The following CSMD1 variants were observed in gnomAD, a reference collection of about 807,000 sequenced individuals.
CSMD1 encodes the protein CUB and Sushi multiple domains 1, also known as CUB and sushi domain-containing protein 1.
Under a neutral mutation model 417.5 loss-of-function variants are expected in CSMD1, and 213 were observed. That is an observed-to-expected ratio of 0.51 (90% CI 0.46 to 0.57). The LOEUF (loss-of-function observed/expected upper bound fraction) is 0.57. Ranked by LOEUF, CSMD1 falls within the 20% of genes least tolerant of loss-of-function variation. The pLI is 0.00. For synonymous variants in CSMD1, 2,862 were observed against 1,736.8 expected, an observed-to-expected ratio of 1.65 and a Z score of -16.11; for missense variants, 6,923 against 4,529.7, an observed-to-expected ratio of 1.53 and a Z score of -15.17.
chr8:4,022,390 G>C (rs982349211), intron 4 of CSMD1, among the ~76,000 whole-genome samples: 1 of 151,978 alleles, frequency 6.6e-6, no homozygotes, highest in Non-Finnish European at 1.5e-5. Flanking sequence ...AAAATTATGG[G>C]AGGACATATT....
At chr8:4,642,091 G>C (rs948338217) in intron 1 of CSMD1, among the ~76,000 whole-genome samples, 2 of 152,216 alleles carry the variant, frequency 1.3e-5, no homozygotes, top group African/African-American at 4.8e-5. Context: ...GACCTGGTCA[G>C]CCTGTAGGTG....
At chr8:3,288,105 T>G (rs1379237882) in intron 25 of CSMD1, among the ~76,000 whole-genome samples, 1 of 147,440 alleles carries the variant, frequency 6.8e-6, no homozygotes, top group Non-Finnish European at 1.5e-5. Context: ...TGGATTACAT[T>G]TATCGATTTT....
chr8:3,466,556 C>A (rs1354626111), intron 12 of CSMD1, among the ~76,000 whole-genome samples: 1 of 151,136 alleles, frequency 6.6e-6, no homozygotes, highest in East Asian at 1.9e-4. Context: ...ATTACAGGTA[C>A]CCACCCTCCA....
intron 5 of CSMD1, among the ~76,000 whole-genome samples, chr8:3,971,572 A>G (rs140345817): frequency 1.7e-3 from 264 of 152,340 alleles, no homozygotes; most frequent in African/African-American, 6.1e-3. Flanking sequence ...AAAAATTAAT[A>G]CCATAATTTT....
intron 3 of CSMD1, among the ~76,000 whole-genome samples, chr8:4,094,390 T>C (rs1042740021): frequency 2.6e-5 from 4 of 151,758 alleles, no homozygotes; most frequent in Admixed American, 2.0e-4. Flanking sequence ...ATATTTAGTT[T>C]TGAGAACTAT....
chr8:3,455,557 T>C (rs1816062524), intron 12 of CSMD1, among the ~76,000 whole-genome samples: 1 of 152,228 alleles, frequency 6.6e-6, no homozygotes, highest in African/African-American at 2.4e-5. Flanking sequence ...GCAGGTCTGT[T>C]GGAATTTGCT....
Position 4,852,168 on chromosome 8 carries a change from C to T in CSMD1, c.85+142164G>A, listed in dbSNP as rs561046847. 3.3e-5 allele frequency among the ~76,000 whole-genome samples: 5 copies of T among 152,266 alleles called. No individual in the cohort carries two copies. The East Asian group carries it at 9.7e-4, about 29-fold the overall frequency. ...GTTTGTTTACTCTAATCTATTTTTG[C>T]CAGCATTGTTCTATAACAGTAAACA... is the stretch of plus-strand genomic sequence containing the variant. On this transcript the variant is annotated intron_variant, in intron 1 of 69. Coordinates refer to ENST00000635120, the MANE Select transcript of CSMD1 (RefSeq NM_033225.6).
chr8:4,385,965 A>G (rs1206604097), intron 3 of CSMD1, among the ~76,000 whole-genome samples: 1 of 152,154 alleles, frequency 6.6e-6, no homozygotes, highest in Non-Finnish European at 1.5e-5. Flanking sequence ...CCAGAGCATC[A>G]GCATCTTTCC....
Position 3,343,450 on chromosome 8 carries a change from C to T in CSMD1, c.3475G>A (p.Val1159Ile), listed in dbSNP as rs1407959203. The change falls in exon 23 of 70, where the codon GTA becomes ATA. Residue 1159 changes from valine (V) to isoleucine (I), a missense_variant and splice_region_variant. Physicochemically the swap from Val to Ile is conservative, Grantham distance 29. Transcript: ENST00000635120. ...FQLFEGDTLK[V>I]YDGKDSSSRP... Reference sequence around the variant, plus strand: ...GAGGAACTGTCTTTTCCATCATATACCTGATGAAAATTCACAGCATGAGTC... The same window carrying T: ...GAGGAACTGTCTTTTCCATCATATATCTGATGAAAATTCACAGCATGAGTC... 1 of 1,611,600 alleles carries T rather than the reference C, an allele frequency of 6.2e-7. No homozygotes were observed. Among genetic ancestry groups the T allele is most frequent in the Admixed American group, 1.7e-5 (1 of 59,868 alleles).
At chr8:2,962,828 C>T (rs1020783758) in intron 60 of CSMD1, among the ~76,000 whole-genome samples, 189 bp from the exon 61 acceptor site, 3 of 152,174 alleles carry the variant, frequency 2.0e-5, no homozygotes, top group Non-Finnish European at 2.9e-5. Context: ...GCAGGCGGAT[C>T]GCTTGAGCTC....
intron 49 of CSMD1, among the ~76,000 whole-genome samples, chr8:3,084,787 C>A (rs1814405053): frequency 6.6e-6 from 1 of 151,884 alleles, no homozygotes; most frequent in Non-Finnish European, 1.5e-5. Context: ...TCCAGATAAT[C>A]ATTTTTACTC....
In CSMD1 at chr8:3,925,005, A is replaced by G. The variant is rs574613284; in HGVS notation, c.818+72898T>C. The stretch of plus-strand genomic sequence containing the variant: ...ATTTCTTTAGTCCTTGCTGACTGGT[A>G]AGAGAAAGACTTTAAATAGTTATCC... On this transcript the variant is annotated intron_variant, in intron 5 of 69. Coordinates refer to ENST00000635120, the MANE Select transcript of CSMD1 (RefSeq NM_033225.6). 5.3e-5 allele frequency among the ~76,000 whole-genome samples: 8 copies of G among 152,200 alleles called. No homozygotes were observed. The East Asian group carries it at 1.2e-3, about 22-fold the overall frequency.
At chr8:4,802,272 C>T (rs1458139512) in intron 1 of CSMD1, among the ~76,000 whole-genome samples, 1 of 152,194 alleles carries the variant, frequency 6.6e-6, no homozygotes, top group Admixed American at 6.5e-5. Flanking sequence ...CCTGCCTCAG[C>T]CAAGGCTTCG....
At chr8:3,216,039 A>C (rs1235390902) in intron 29 of CSMD1, among the ~76,000 whole-genome samples, 1 of 148,988 alleles carries the variant, frequency 6.7e-6, no homozygotes, top group Non-Finnish European at 1.5e-5. Context: ...TACTTTGATT[A>C]AATCTATATT....
intron 1 of CSMD1, among the ~76,000 whole-genome samples, chr8:4,820,673 C>G (rs1439404510): frequency 2.0e-5 from 3 of 152,162 alleles, no homozygotes; most frequent in African/African-American, 7.2e-5. Context: ...TGCCATCATT[C>G]AAATGGCTGT....
At chr8:3,905,679 C>G (rs896500744) in intron 5 of CSMD1, among the ~76,000 whole-genome samples, 1 of 152,176 alleles carries the variant, frequency 6.6e-6, no homozygotes, top group Non-Finnish European at 1.5e-5. Flanking sequence ...AGGAACCACT[C>G]TTTGAGAACC....
intron 4 of CSMD1, among the ~76,000 whole-genome samples, chr8:4,012,042 A>T (rs1585129588): frequency 6.6e-6 from 1 of 152,174 alleles, no homozygotes; most frequent in South Asian, 2.1e-4. Context: ...AAAAGTCAGT[A>T]CATGGTCGGT....
chr8:3,936,312 G>A (rs772604967), intron 5 of CSMD1, among the ~76,000 whole-genome samples: 2 of 152,158 alleles, frequency 1.3e-5, no homozygotes, highest in East Asian at 1.9e-4. Context: ...TACACTAAAA[G>A]GCAGATATTG....
At chr8:3,841,833 T>A (rs1331026129) in intron 5 of CSMD1, among the ~76,000 whole-genome samples, 1 of 151,940 alleles carries the variant, frequency 6.6e-6, no homozygotes, top group African/African-American at 2.4e-5. Flanking sequence ...CACCGAGACT[T>A]TGCATCAAGC....
Sources: allele counts gnomAD v4.1 joint callset (sites outside exome capture counted in the v4.1 genomes callset), GRCh38; gene constraint gnomAD v4.1.1; transcripts MANE v1.5; gene names NCBI Gene and HGNC (gene_info 2026-07-23, HGNC 2026-07-21).